IQGAP2: variants seen among roughly 807,000 people sequenced by gnomAD.
IQGAP2 encodes the protein ras GTPase-activating-like protein IQGAP2.
IQGAP2 carries 173 observed loss-of-function variants against 201.3 expected under a neutral mutation model. The observed-to-expected ratio is 0.86, with a 90% CI of 0.76 to 0.98. IQGAP2 has a LOEUF of 0.98. IQGAP2 is among the 50% of genes least tolerant of loss of function. The pLI, the probability that IQGAP2 is intolerant of heterozygous loss-of-function variation, is 0.00. For synonymous variants in IQGAP2, 675 were observed against 673.9 expected, an observed-to-expected ratio of 1.00 and a Z score of -0.03; for missense variants, 1,687 against 1,864.8, an observed-to-expected ratio of 0.90 and a Z score of 1.76.
chr5:76,460,179 G>A (rs1754354197), intron 1 of IQGAP2, among the ~76,000 whole-genome samples: 1 of 152,158 alleles, frequency 6.6e-6, no homozygotes. Context: ...TAATAAAAAT[G>A]TGAACTAAAG....
intron 35 of IQGAP2, among the ~76,000 whole-genome samples, chr5:76,706,561 T>TG (rs1747919383): frequency 6.6e-6 from 1 of 152,140 alleles, no homozygotes; most frequent in Non-Finnish European, 1.5e-5. Flanking sequence ...TTGGCCAGGC[T>TG]GGTCTCACTC....
At chr5:76,592,092 C>T (rs1212671668) in intron 8 of IQGAP2, among the ~76,000 whole-genome samples, 1 of 152,206 alleles carries the variant, frequency 6.6e-6, no homozygotes, top group Non-Finnish European at 1.5e-5. Context: ...TTGTGGGTCT[C>T]TCTGCCTCCT....
chr5:76,661,648 C>G (rs1489070815), intron 21 of IQGAP2, among the ~76,000 whole-genome samples: 1 of 152,110 alleles, frequency 6.6e-6, no homozygotes, highest in Non-Finnish European at 1.5e-5. Context: ...GGAAAATGTT[C>G]TAGGTGATTT....
intron 2 of IQGAP2, among the ~76,000 whole-genome samples, chr5:76,502,849 C>T (rs1472327145): frequency 1.3e-5 from 2 of 152,054 alleles, no homozygotes; most frequent in African/African-American, 4.8e-5. Flanking sequence ...GATCCTCCCA[C>T]CTCAGCCTCC....
At chr5:76,698,620 T>C (rs11951708) in intron 33 of IQGAP2, among the ~76,000 whole-genome samples, 49,924 of 152,038 alleles carry the variant, frequency 0.33, 8,349 homozygotes, top group Non-Finnish European at 0.35. Context: ...ATTTGGCAGC[T>C]GTCTATTATC....
At chr5:76,550,990 C>T (rs1055859215) in intron 2 of IQGAP2, among the ~76,000 whole-genome samples, 3 of 150,636 alleles carry the variant, frequency 2.0e-5, no homozygotes, top group Non-Finnish European at 4.4e-5. Flanking sequence ...GGGGCTGCCC[C>T]CCACCTCCCT....
chr5:76,574,452 C>T (rs1163955232), intron 4 of IQGAP2, among the ~76,000 whole-genome samples: 1 of 151,956 alleles, frequency 6.6e-6, no homozygotes, highest in Non-Finnish European at 1.5e-5. Flanking sequence ...TACAGGCATG[C>T]ACCACCACGC....
chr5:76,404,064 C>T (rs1750659448), intron 1 of IQGAP2, among the ~76,000 whole-genome samples: 1 of 152,214 alleles, frequency 6.6e-6, no homozygotes. Context: ...GCAAAGCCGG[C>T]TTGACTGGAA....
chr5:76,439,512 C>G (rs1174719065), intron 1 of IQGAP2, among the ~76,000 whole-genome samples: 1 of 152,144 alleles, frequency 6.6e-6, no homozygotes, highest in Non-Finnish European at 1.5e-5. Context: ...TTTTATGAAG[C>G]TGGGAGCTCC....
At position 76,403,880 on chromosome 5, in the gene IQGAP2, G is replaced by A. The variant is rs544711597; in HGVS notation, c.46+289G>A. Among the ~76,000 whole-genome samples the A allele has an allele frequency of 1.6e-4, 24 of 152,316 alleles. No individual in the cohort carries two copies. Among genetic ancestry groups the A allele is most frequent in the Admixed American group, 9.1e-4 (14 of 15,306 alleles). On this transcript the variant is annotated intron_variant, in intron 1 of 35. Transcript: ENST00000274364. This position sits in a 1 kb window ranked among gnomAD's most constrained non-coding sequence, Gnocchi z 4.8. ...GGGGATTGCGCTCTGGGACAGACCA[G>A]GTTGGGATTTTAGGGGTATCAGGTG...
intron 2 of IQGAP2, among the ~76,000 whole-genome samples, chr5:76,520,209 G>C (rs113900722): frequency 3.3e-3 from 499 of 152,010 alleles, no homozygotes; most frequent in African/African-American, 0.011. Flanking sequence ...TTTTATATAA[G>C]ATGTAAGGTA....
chr5:76,482,899 T>TCTCTGTGG (rs1218667696), intron 2 of IQGAP2, among the ~76,000 whole-genome samples: 1 of 152,188 alleles, frequency 6.6e-6, no homozygotes, highest in Non-Finnish European at 1.5e-5. Context: ...CAAAGCACTG[T>TCTCTGTGG]CTCTGTGGCT....
chr5:76,635,461 T>G (rs956979776), intron 15 of IQGAP2, among the ~76,000 whole-genome samples: 1 of 152,218 alleles, frequency 6.6e-6, no homozygotes, highest in African/African-American at 2.4e-5. Flanking sequence ...TTGCTTGCTT[T>G]CTTTCCTTCC....
At chr5:76,692,451 CCT>C (rs1491524863) in intron 30 of IQGAP2, among the ~76,000 whole-genome samples, 1 of 152,136 alleles carries the variant, frequency 6.6e-6, no homozygotes, top group Non-Finnish European at 1.5e-5. Flanking sequence ...CGCGCCTGGC[CCT>C]TTTTTTTCTT....
chr5:76,496,355 C>T (rs763056440), intron 2 of IQGAP2, among the ~76,000 whole-genome samples: 5 of 152,240 alleles, frequency 3.3e-5, no homozygotes, highest in East Asian at 3.9e-4. Flanking sequence ...GCTCATGTGG[C>T]GGTCAGCAAC....
chr5:76,557,572 G>A (rs770180764), intron 2 of IQGAP2, among the ~76,000 whole-genome samples: 3 of 152,166 alleles, frequency 2.0e-5, no homozygotes, highest in Non-Finnish European at 4.4e-5. Flanking sequence ...AATATTTTAT[G>A]ATGTAACTGT....
rs144078732 is a variant in IQGAP2, at chr5:76,595,545, G to A, written c.908-1894G>A. Reference sequence around the variant, plus strand: ...AGGCTGAGGTGGGAGGATGACTTCAGGCCAGGAGTTCAAGACCAGCCTGGG... The same window carrying A: ...AGGCTGAGGTGGGAGGATGACTTCAAGCCAGGAGTTCAAGACCAGCCTGGG... On this transcript the variant is annotated intron_variant, in intron 9 of 35. Transcript: ENST00000274364. 5.2e-3 allele frequency among the ~76,000 whole-genome samples: 785 copies of A among 151,772 alleles called. 8 individuals are homozygous for A. Among genetic ancestry groups the A allele is most frequent in the African/African-American group, 0.018 (727 of 41,356 alleles).
intron 11 of IQGAP2, among the ~76,000 whole-genome samples, chr5:76,603,304 C>A (rs545330771): frequency 2.6e-5 from 4 of 152,206 alleles, no homozygotes; most frequent in Non-Finnish European, 5.9e-5. Context: ...TGCTTCTCCC[C>A]ACCCTAGCAT....
intron 34 of IQGAP2, 110 bp downstream of exon 34, chr5:76,701,323 G>A: frequency 1.0e-6 from 1 of 975,768 alleles, no homozygotes; most frequent in Non-Finnish European, 1.6e-6. Context: ...ACTGATGGGT[G>A]ACAAGGGAAG....
Sources: allele counts gnomAD v4.1 joint callset (sites outside exome capture counted in the v4.1 genomes callset), GRCh38; gene constraint gnomAD v4.1.1; non-coding constraint Gnocchi (gnomAD v3.1); transcripts MANE v1.5; gene names NCBI Gene and HGNC (gene_info 2026-07-23, HGNC 2026-07-21).